CBFA2T3: variants seen among roughly 807,000 people sequenced by gnomAD.
CBFA2T3 encodes CBFA2/RUNX1 partner transcriptional co-repressor 3.
CBFA2T3 carries 31 observed loss-of-function variants against 58.6 expected under a neutral mutation model. That is an observed-to-expected ratio of 0.53 (90% confidence interval 0.40 to 0.71). The LOEUF (loss-of-function observed/expected upper bound fraction) is 0.71. CBFA2T3 is among the 30% of genes least tolerant of loss of function. The probability of loss-of-function intolerance (pLI) is 0.00; values close to 1 mark genes in which losing one functional copy is unlikely to be tolerated. For synonymous variants in CBFA2T3, 531 were observed against 421.9 expected, an observed-to-expected ratio of 1.26 and a Z score of -3.17; for missense variants, 1,076 against 963.1, an observed-to-expected ratio of 1.12 and a Z score of -1.55.
At chr16:88,926,395 G>C (rs772834733) in intron 1 of CBFA2T3, among the ~76,000 whole-genome samples, 2 of 152,212 alleles carry the variant, frequency 1.3e-5, no homozygotes, top group Non-Finnish European at 2.9e-5. Flanking sequence ...GGGCTGGGGG[G>C]CGTCTGTCCC....
intron 2 of CBFA2T3, 29 bp downstream of exon 2, chr16:88,901,475 C>G (rs1250299372): frequency 7.5e-7 from 1 of 1,335,848 alleles, no homozygotes; most frequent in African/African-American, 1.5e-5. Context: ...AAACACCTGG[C>G]CCTCGGCTGC....
At chr16:88,965,118 T>TCAAC (rs1972468828) in intron 1 of CBFA2T3, among the ~76,000 whole-genome samples, 5 of 132,792 alleles carry the variant, frequency 3.8e-5, no homozygotes, top group African/African-American at 1.7e-4. Context: ...CATCCATCCA[T>TCAAC]CCACCCACCC....
Position 88,885,175 on chromosome 16 carries a change from T to C in CBFA2T3, c.988A>G (p.Ser330Gly). The C allele has an allele frequency of 6.2e-7, 1 of 1,603,572 alleles. No individual in the cohort carries two copies. Among genetic ancestry groups the C allele is most frequent in the African/African-American group, 1.3e-5 (1 of 74,824 alleles). ...GGTGTGGGCTGCGGTGGCCCGTTGC[T>C]GGGGCTGTAGCGCTGGGCAGGGTTC... is the stretch of plus-strand genomic sequence containing the variant. The part of the protein sequence containing the change: ...TLNPAQRYSP[S>G]NGPPQPTPPP... The change falls in exon 7 of 12, where the codon AGC becomes GGC. Residue 330 changes from serine to glycine, a missense_variant. Coordinates refer to ENST00000268679, the MANE Select transcript of CBFA2T3 (RefSeq NM_005187.6). This position sits in a 1 kb window ranked among gnomAD's most constrained non-coding sequence, Gnocchi z 5.3.
Position 88,901,532 on chromosome 16 carries a change from T to C in CBFA2T3, c.276A>G (p.Thr92=). ...PPPPAASQGA[T]RPPSFTPHTH... is the part of the protein sequence containing the mutation. ...TGTGTGGCGTGAAGGAGGGGGGGCG[T>C]GTGGCCCCCTGGGATGCGGCAGGCG... The change falls in exon 2 of 12, where the codon ACA becomes ACG. Residue 92 remains threonine (T), a synonymous_variant. Transcript: ENST00000268679. The C allele has an allele frequency of 6.8e-7, 1 of 1,465,588 alleles. No homozygotes were observed. Among genetic ancestry groups the C allele is most frequent in the Non-Finnish European group, 9.0e-7 (1 of 1,108,230 alleles). The allele number at this position is 1,465,588 out of a possible 1,614,324, so 90.8% of individuals were successfully genotyped here. A position where few individuals can be genotyped will look rare whatever the true frequency, so the allele number is the denominator to read the frequency against.
intron 1 of CBFA2T3, chr16:88,950,498 G>C: frequency 2.4e-6 from 1 of 413,980 alleles, no homozygotes; most frequent in Non-Finnish European, 4.8e-6. Context: ...GCCACAGAGG[G>C]TCAGGAGTGT....
At position 88,898,200 on chromosome 16, in the gene CBFA2T3, G is replaced by A. The variant is rs373222953; in HGVS notation, c.305-48C>T. Reference sequence around the variant, plus strand: ...ACGCTGTCAGGAGGGGCGTGGGCAGGAGACTCTGCCCTCAGGGGCGCCCGC... The same window carrying A: ...ACGCTGTCAGGAGGGGCGTGGGCAGAAGACTCTGCCCTCAGGGGCGCCCGC... On this transcript the variant is annotated intron_variant, in intron 2 of 11. Coordinates refer to ENST00000268679, the MANE Select transcript of CBFA2T3 (RefSeq NM_005187.6). 5 of 1,443,104 alleles carry A rather than the reference G, an allele frequency of 3.5e-6. No homozygotes were observed. In the African/African-American group the frequency reaches 4.2e-5, roughly 12 times the overall value. 89.4% of individuals were successfully genotyped at this position (1,443,104 alleles called of 1,614,324 possible).
chr16:88,877,224 C>A lies in CBFA2T3; in HGVS notation c.1714G>T (p.Ala572Ser). 6.4e-7 allele frequency: 1 copy of A among 1,555,942 alleles called. No individual in the cohort carries two copies. The highest frequency in any genetic ancestry group is 8.7e-7 in the Non-Finnish European group (1 of 1,150,470). ...CAGAAGGACCCGCAGTAGCGTGCCG[C>A]GTTGCAGCCGCTGCACGTCTCACTG... ...KASETCSGCNAARYCGSFCQH... is the reference protein window; with the variant it reads ...KASETCSGCNSARYCGSFCQH... Residue 572 changes from alanine to serine, a missense_variant, in exon 12 of 12, where the codon GCG becomes TCG. Ala to Ser is a moderately conservative substitution (Grantham distance 99, BLOSUM62 1). Transcript: ENST00000268679.
chr16:88,909,382 G>C (rs540658352), intron 1 of CBFA2T3, among the ~76,000 whole-genome samples: 1 of 142,978 alleles, frequency 7.0e-6, no homozygotes, highest in South Asian at 2.2e-4. Flanking sequence ...CTGTGCAATG[G>C]GGGTGAGGGT....
intron 1 of CBFA2T3, among the ~76,000 whole-genome samples, chr16:88,920,791 C>T (rs1970888168): frequency 6.6e-6 from 1 of 152,194 alleles, no homozygotes; most frequent in African/African-American, 2.4e-5. Flanking sequence ...CCCTGCCCTG[C>T]CTGCTTGCCA....
At chr16:88,935,875 C>T (rs749825996) in intron 1 of CBFA2T3, among the ~76,000 whole-genome samples, 1 of 152,142 alleles carries the variant, frequency 6.6e-6, no homozygotes, top group African/African-American at 2.4e-5. Context: ...CTGCATTTTG[C>T]GTTTGAGACC....
intron 1 of CBFA2T3, among the ~76,000 whole-genome samples, chr16:88,967,110 A>ACC (rs71158773): frequency 1.7e-4 from 21 of 126,306 alleles, no homozygotes; most frequent in Non-Finnish European, 2.4e-4. Flanking sequence ...GCCACCCCCA[A>ACC]CCCCCAACCC....
intron 7 of CBFA2T3, among the ~76,000 whole-genome samples, chr16:88,884,386 C>T (rs1167917623): frequency 6.6e-6 from 1 of 152,222 alleles, no homozygotes; most frequent in Non-Finnish European, 1.5e-5. Flanking sequence ...TCTCTGGGTT[C>T]TCAGCACAGA....
In CBFA2T3 at chr16:88,907,560, G is replaced by A. The variant is rs144879613; in HGVS notation, c.152-5904C>T. On this transcript the variant is annotated intron_variant, in intron 1 of 11. Coordinates refer to ENST00000268679, the MANE Select transcript of CBFA2T3 (RefSeq NM_005187.6). Reference sequence around the variant, plus strand: ...GATCCTGCGCTTCTCTATCTTACGAGTGGGGAAACAGAGGCACAGAGAGGC... The same window carrying A: ...GATCCTGCGCTTCTCTATCTTACGAATGGGGAAACAGAGGCACAGAGAGGC... Among the ~76,000 whole-genome samples the A allele has an allele frequency of 1.8e-4, 27 of 152,350 alleles. 1 individual carries two copies. In the East Asian group the frequency reaches 3.5e-3, roughly 20 times the overall value.
Position 88,885,156 on chromosome 16 carries a change from G to C in CBFA2T3, c.1007C>G (p.Pro336Arg), listed in dbSNP as rs766921779. The C allele has an allele frequency of 4.4e-6, 7 of 1,602,234 alleles. No homozygotes were observed. The highest frequency in any genetic ancestry group is 1.7e-4 in the Middle Eastern group (1 of 6,024). Reference sequence around the variant, plus strand: ...CAGGCGGTAGTGCGGCGGCGGTGTGGGCTGCGGTGGCCCGTTGCTGGGGCT... The same window carrying C: ...CAGGCGGTAGTGCGGCGGCGGTGTGCGCTGCGGTGGCCCGTTGCTGGGGCT... ...RYSPSNGPPQ[P>R]TPPPHYRLED... The change falls in exon 7 of 12, where the codon CCC becomes CGC. Residue 336 changes from proline to arginine, a missense_variant. Pro to Arg is a moderately radical substitution (Grantham distance 103, BLOSUM62 -2). Transcript: ENST00000268679. The surrounding 1 kb of genome is among the most constrained non-coding windows in gnomAD (Gnocchi z 5.3).
chr16:88,933,235 G>C (rs1435891747), intron 1 of CBFA2T3, among the ~76,000 whole-genome samples: 1 of 152,242 alleles, frequency 6.6e-6, no homozygotes, highest in East Asian at 1.9e-4. Context: ...CGCTCCCCCA[G>C]TGCAGGGTCC....
At chr16:88,897,530 G>C (rs1357890713) in intron 3 of CBFA2T3, among the ~76,000 whole-genome samples, 2 of 152,364 alleles carry the variant, frequency 1.3e-5, no homozygotes, top group Non-Finnish European at 2.9e-5. Flanking sequence ...GGTGACTCAA[G>C]TCTGCTGAGC....
At chr16:88,905,838 G>C (rs1197174752) in intron 1 of CBFA2T3, among the ~76,000 whole-genome samples, 1 of 151,282 alleles carries the variant, frequency 6.6e-6, no homozygotes, top group African/African-American at 2.5e-5. Flanking sequence ...CTGCAGGACA[G>C]GTGCTTTCTG....
At chr16:88,962,589 A>T (rs1972393783) in intron 1 of CBFA2T3, among the ~76,000 whole-genome samples, 1 of 152,120 alleles carries the variant, frequency 6.6e-6, no homozygotes, top group Non-Finnish European at 1.5e-5. Flanking sequence ...GGGCCAGATC[A>T]CCAAAGGGCA....
intron 1 of CBFA2T3, among the ~76,000 whole-genome samples, chr16:88,974,457 C>A (rs909045315): frequency 6.6e-6 from 1 of 151,998 alleles, no homozygotes; most frequent in Non-Finnish European, 1.5e-5. Context: ...CACCTCAGCC[C>A]CCAGGACGCT....
Sources: gnomAD v4.1 joint callset for allele counts (sites outside exome capture counted in the v4.1 genomes callset) on GRCh38, gnomAD v4.1.1 for gene constraint, Gnocchi (gnomAD v3.1) non-coding constraint, MANE v1.5 for transcripts, NCBI Gene and HGNC (gene_info 2026-07-23, HGNC 2026-07-21) for gene names.